The following MYO10 variants were observed in gnomAD, a reference collection of about 807,000 sequenced individuals.
MYO10 encodes unconventional myosin-X.
Under a neutral mutation model 257.3 loss-of-function variants are expected in MYO10, and 133 were observed. That is an observed-to-expected ratio of 0.52 (90% CI 0.45 to 0.60). MYO10 has a LOEUF of 0.60. Ranked by LOEUF, MYO10 falls within the 20% of genes least tolerant of loss-of-function variation. The probability of loss-of-function intolerance (pLI) is 0.00; values close to 1 mark genes in which losing one functional copy is unlikely to be tolerated. For missense variants in MYO10, 2,399 were observed against 2,635.7 expected (o/e 0.91, Z 1.97); for synonymous variants, 1,104 against 1,028.6 (o/e 1.07, Z -1.40).
At chr5:16,795,320 T>G (rs1265289226) in intron 3 of MYO10, among the ~76,000 whole-genome samples, 1 of 152,150 alleles carries the variant, frequency 6.6e-6, no homozygotes. Context: ...GTTCTGGAAG[T>G]GGGCCGGGCC....
intron 3 of MYO10, among the ~76,000 whole-genome samples, chr5:16,812,862 C>T (rs1381688446): frequency 1.3e-5 from 2 of 151,590 alleles, no homozygotes; most frequent in Non-Finnish European, 2.9e-5. Context: ...CAATACGGAG[C>T]CAAAGAGGAG....
At chr5:16,705,074 T>G (rs1738268992) in intron 21 of MYO10, among the ~76,000 whole-genome samples, 1 of 152,114 alleles carries the variant, frequency 6.6e-6, no homozygotes, top group Non-Finnish European at 1.5e-5. Context: ...CGTAATATGA[T>G]TCAGAGATAC....
chr5:16,902,748 C>T (rs967987470), intron 1 of MYO10: 1 of 680,560 alleles, frequency 1.5e-6, no homozygotes, highest in South Asian at 1.7e-5. Context: ...GTGATCCACC[C>T]GCCTTGGCGT....
At chr5:16,880,639 T>C (rs778851913) in intron 1 of MYO10, among the ~76,000 whole-genome samples, 13 of 152,318 alleles carry the variant, frequency 8.5e-5, no homozygotes, top group Non-Finnish European at 1.3e-4. Flanking sequence ...GGCCTGCCTA[T>C]GTAAAGAACA....
At chr5:16,788,150 G>A (rs1378555857) in intron 4 of MYO10, among the ~76,000 whole-genome samples, 1 of 152,150 alleles carries the variant, frequency 6.6e-6, no homozygotes, top group Non-Finnish European at 1.5e-5. Flanking sequence ...AGAAGAATCA[G>A]GGAGACCAAA....
intron 2 of MYO10, 89 bp downstream of exon 2, chr5:16,877,520 G>C (rs548216279): frequency 1.1e-6 from 1 of 952,360 alleles, no homozygotes. Context: ...GCGTGTGTAT[G>C]TGTAGGGGGG....
chr5:16,758,452 G>T (rs965968557), intron 17 of MYO10, among the ~76,000 whole-genome samples: 1 of 152,226 alleles, frequency 6.6e-6, no homozygotes, highest in African/African-American at 2.4e-5. Flanking sequence ...CAGAGAAGGG[G>T]ACTGGCATGA....
At chr5:16,830,255 C>G (rs1364078030) in intron 2 of MYO10, among the ~76,000 whole-genome samples, 2 of 151,790 alleles carry the variant, frequency 1.3e-5, no homozygotes, top group Non-Finnish European at 2.9e-5. Flanking sequence ...AAGGGAAAAC[C>G]AGACCTCAAA....
intron 39 of MYO10, among the ~76,000 whole-genome samples, chr5:16,669,057 G>A (rs905602930): frequency 1.3e-5 from 2 of 152,014 alleles, no homozygotes; most frequent in Non-Finnish European, 2.9e-5. Flanking sequence ...ATTGGTGGAA[G>A]AAAATAAGAC....
intron 9 of MYO10, among the ~76,000 whole-genome samples, chr5:16,770,325 A>T (rs1004770213): frequency 6.6e-6 from 1 of 152,188 alleles, no homozygotes; most frequent in Non-Finnish European, 1.5e-5. Flanking sequence ...TCACATCTCT[A>T]TTTTTAATTT....
chr5:16,749,484 CAAA>C (rs5866205), intron 19 of MYO10, among the ~76,000 whole-genome samples: 11 of 80,642 alleles, frequency 1.4e-4, no homozygotes, highest in East Asian at 3.9e-4. Context: ...GACTCCACCT[CAAA>C]AAAAAAAAAA....
intron 2 of MYO10, among the ~76,000 whole-genome samples, chr5:16,839,408 A>G (rs1743404513): frequency 6.6e-6 from 1 of 152,162 alleles, no homozygotes; most frequent in African/African-American, 2.4e-5. Context: ...TTAGAAGTGG[A>G]GCCTGAAGAT....
At chr5:16,874,450 A>G (rs976154806) in intron 2 of MYO10, among the ~76,000 whole-genome samples, 11 of 148,306 alleles carry the variant, frequency 7.4e-5, no homozygotes, top group African/African-American at 2.7e-4. Context: ...CAGCCCCCAC[A>G]TCACCTCTTG....
At chr5:16,741,971 T>A (rs1740032125) in intron 19 of MYO10, 1 of 985,406 alleles carries the variant, frequency 1.0e-6, no homozygotes, top group South Asian at 4.7e-5. Flanking sequence ...GCTTAATTCA[T>A]TCCTGATTCT....
rs188507073 is a variant in MYO10, at chr5:16,692,002, C to T, written c.3801-2083G>A. ...AAAGAAAGGCAGAGGGGCATCTATA[C>T]ATTAAAAGAGACTTGAGTGATCTAA... On this transcript the variant is annotated intron_variant, in intron 27 of 40. Transcript: ENST00000513610. 3.3e-5 allele frequency among the ~76,000 whole-genome samples: 5 copies of T among 152,296 alleles called. No individual in the cohort carries two copies. The East Asian group carries it at 9.6e-4, about 29-fold the overall frequency.
At chr5:16,700,362 T>C (rs1207136275) in intron 25 of MYO10, among the ~76,000 whole-genome samples, 1 of 152,046 alleles carries the variant, frequency 6.6e-6, no homozygotes, top group Non-Finnish European at 1.5e-5. Flanking sequence ...TAAAATAAAA[T>C]AAACAAAAGT....
chr5:16,877,123 C>T (rs1000366165), intron 2 of MYO10, among the ~76,000 whole-genome samples: 1 of 149,864 alleles, frequency 6.7e-6, no homozygotes, highest in African/African-American at 2.5e-5. Context: ...TCTCCAGGCT[C>T]CAGAACTGTG....
chr5:16,873,618 G>A (rs1161436688), intron 2 of MYO10, among the ~76,000 whole-genome samples: 1 of 152,246 alleles, frequency 6.6e-6, no homozygotes, highest in Middle Eastern at 3.2e-3. Context: ...CACCCCTGCA[G>A]CAAACTTCTG....
intron 1 of MYO10, among the ~76,000 whole-genome samples, chr5:16,934,441 C>T (rs1024290859): frequency 6.6e-6 from 1 of 152,254 alleles, no homozygotes; most frequent in African/African-American, 2.4e-5. Flanking sequence ...CAATTAAACA[C>T]CGGAACTCAC....
Sources: allele counts gnomAD v4.1 joint callset (sites outside exome capture counted in the v4.1 genomes callset), GRCh38; gene constraint gnomAD v4.1.1; transcripts MANE v1.5; gene names NCBI Gene and HGNC (gene_info 2026-07-23, HGNC 2026-07-21).